Variants in CDH12 observed in about 807,000 individuals in gnomAD.
The protein encoded by CDH12 is cadherin 12.
CDH12 carries 41 observed loss-of-function variants against 74.1 expected under a neutral mutation model. The observed-to-expected ratio is 0.55, with a 90% CI of 0.43 to 0.72. The LOEUF is 0.72. Ranked by LOEUF, CDH12 falls within the 30% of genes least tolerant of loss-of-function variation. CDH12 has a pLI of 0.00. For synonymous variants in CDH12, 399 were observed against 355.0 expected (o/e 1.12, Z -1.39); for missense variants, 945 against 977.2 (o/e 0.97, Z 0.44).
intron 1 of CDH12, among the ~76,000 whole-genome samples, chr5:22,685,320 C>G (rs528453671): frequency 2.5e-4 from 38 of 152,256 alleles, no homozygotes; most frequent in African/African-American, 7.9e-4. Context: ...TCATTGCAGC[C>G]TCCACCTCCT....
intron 6 of CDH12, among the ~76,000 whole-genome samples, chr5:21,957,774 C>T (rs1435964927): frequency 6.6e-6 from 1 of 151,916 alleles, no homozygotes; most frequent in African/African-American, 2.4e-5. Flanking sequence ...TTGTTTTTCT[C>T]TTGTAAATTT....
intron 1 of CDH12, among the ~76,000 whole-genome samples, chr5:22,528,713 G>A (rs933857414): frequency 3.3e-5 from 5 of 152,010 alleles, no homozygotes; most frequent in Non-Finnish European, 7.4e-5. Flanking sequence ...TGAGAAAAAT[G>A]TTCAAAAGTA....
At chr5:22,198,797 C>T (rs1750762485) in intron 4 of CDH12, among the ~76,000 whole-genome samples, 1 of 152,000 alleles carries the variant, frequency 6.6e-6, no homozygotes, top group East Asian at 1.9e-4. Flanking sequence ...TGAAACATTT[C>T]AATAAATATA....
intron 4 of CDH12, among the ~76,000 whole-genome samples, chr5:22,183,803 A>G (rs1449181071): frequency 6.6e-6 from 1 of 152,140 alleles, no homozygotes; most frequent in Admixed American, 6.6e-5. Flanking sequence ...AAATCCCAGA[A>G]AGTCATAAGG....
At chr5:21,853,606 C>T (rs1750591177) in intron 7 of CDH12, among the ~76,000 whole-genome samples, 1 of 151,556 alleles carries the variant, frequency 6.6e-6, no homozygotes, top group African/African-American at 2.4e-5. Context: ...AGTTTCCAGG[C>T]AACATTAATA....
rs183212793 is a variant in CDH12, at chr5:22,199,353, C to A, written c.-187+13145G>T. Among the ~76,000 whole-genome samples, 274 of 152,170 alleles carry A rather than the reference C, an allele frequency of 1.8e-3. 3 individuals are homozygous for A. The highest frequency in any genetic ancestry group is 6.4e-3 in the African/African-American group (267 of 41,522). On this transcript the variant is annotated intron_variant, in intron 4 of 14. Transcript: ENST00000382254. ...TCTGTAAAAACTAGACTAGAAAAGA[C>A]CAGGAGAGGCGTGAGGGTGGGAGAT...
intron 6 of CDH12, among the ~76,000 whole-genome samples, chr5:21,937,186 T>A (rs540039993): frequency 6.6e-6 from 1 of 152,164 alleles, no homozygotes; most frequent in Non-Finnish European, 1.5e-5. Context: ...AGGTACATAA[T>A]AGGACAATAT....
At chr5:21,962,335 T>G (rs1756395151) in intron 6 of CDH12, among the ~76,000 whole-genome samples, 1 of 152,176 alleles carries the variant, frequency 6.6e-6, no homozygotes. Context: ...ATTTGTCTGC[T>G]TTTCAGATGG....
intron 4 of CDH12, among the ~76,000 whole-genome samples, chr5:22,172,801 A>T (rs912184887): frequency 6.6e-6 from 1 of 151,426 alleles, no homozygotes; most frequent in Admixed American, 6.6e-5. Flanking sequence ...ATTTATTTTA[A>T]TTTTAAATCT....
chr5:22,348,754 T>C (rs1345207306), intron 3 of CDH12, among the ~76,000 whole-genome samples: 1 of 152,200 alleles, frequency 6.6e-6, no homozygotes, highest in Non-Finnish European at 1.5e-5. Context: ...TTCAAGTATT[T>C]AAAAGATATG....
intron 5 of CDH12, among the ~76,000 whole-genome samples, chr5:21,977,166 A>T (rs1757104932): frequency 6.6e-6 from 1 of 152,226 alleles, no homozygotes; most frequent in South Asian, 2.1e-4. Context: ...CAACAATAAG[A>T]GGGAACAAGA....
At chr5:22,840,268 G>A (rs1028786109) in intron 1 of CDH12, among the ~76,000 whole-genome samples, 2 of 151,878 alleles carry the variant, frequency 1.3e-5, no homozygotes, top group Non-Finnish European at 2.9e-5. Context: ...CTACAGGTGC[G>A]AGCCACCATA....
chr5:22,786,979 A>C (rs761221074), intron 1 of CDH12, among the ~76,000 whole-genome samples: 11 of 151,998 alleles, frequency 7.2e-5, no homozygotes, highest in Non-Finnish European at 1.2e-4. Flanking sequence ...CTCAGCAAAA[A>C]TTCAGCCCTC....
chr5:21,936,334 T>G (rs554767972), intron 6 of CDH12, among the ~76,000 whole-genome samples: 27 of 152,344 alleles, frequency 1.8e-4, no homozygotes, highest in African/African-American at 6.0e-4. Flanking sequence ...AATTCCTTGA[T>G]GAAAAATGCT....
At chr5:21,900,702 G>A (rs1753345561) in intron 6 of CDH12, among the ~76,000 whole-genome samples, 1 of 152,076 alleles carries the variant, frequency 6.6e-6, no homozygotes, top group African/African-American at 2.4e-5. Context: ...GTTTAAAATC[G>A]GTCCCCGACT....
intron 3 of CDH12, among the ~76,000 whole-genome samples, chr5:22,323,068 C>A (rs1051304374): frequency 6.6e-6 from 1 of 152,086 alleles, no homozygotes; most frequent in Non-Finnish European, 1.5e-5. Flanking sequence ...AAATTGCTTG[C>A]TGTAATACAG....
At chr5:22,788,594 TATA>T (rs2126374626) in intron 1 of CDH12, among the ~76,000 whole-genome samples, 1 of 148,128 alleles carries the variant, frequency 6.8e-6, no homozygotes, top group South Asian at 2.1e-4. Context: ...TATATTATAA[TATA>T]TAATACATGA....
chr5:22,666,639 T>C (rs780731204), intron 1 of CDH12, among the ~76,000 whole-genome samples: 17 of 152,126 alleles, frequency 1.1e-4, no homozygotes, highest in Non-Finnish European at 2.2e-4. Context: ...CATTTTTTAA[T>C]TAACCTACTG....
chr5:22,196,147 ATTTTTT>A (rs71609752), intron 4 of CDH12, among the ~76,000 whole-genome samples: 28 of 132,102 alleles, frequency 2.1e-4, no homozygotes, highest in African/African-American at 7.3e-4. Flanking sequence ...TCTGCATGTA[ATTTTTT>A]TTTTTTTTTT....
Sources: gnomAD v4.1 joint callset for allele counts (sites outside exome capture counted in the v4.1 genomes callset) on GRCh38, gnomAD v4.1.1 for gene constraint, MANE v1.5 for transcripts, NCBI Gene and HGNC (gene_info 2026-07-23, HGNC 2026-07-21) for gene names.